Variants in KDM6A observed in about 807,000 individuals in gnomAD.
The protein encoded by KDM6A is lysine demethylase 6A.
A neutral mutation model predicts 117.6 loss-of-function variants in KDM6A; 11 were observed. The observed-to-expected ratio is 0.09, with a 90% CI of 0.06 to 0.15. The LOEUF is 0.15. Ranked by LOEUF, KDM6A falls within the 10% of genes least tolerant of loss-of-function variation. The pLI is 1.00. For synonymous variants in KDM6A, 384 were observed against 396.1 expected, an observed-to-expected ratio of 0.97 and a Z score of 0.36; for missense variants, 799 against 1,077.3, an observed-to-expected ratio of 0.74 and a Z score of 3.62.
intron 5 of KDM6A, among the ~76,000 whole-genome samples, chrX:45,012,169 C>A (rs774295242): frequency 9.7e-6 from 1 of 103,522 alleles, no homozygotes; most frequent in East Asian, 3.0e-4. Flanking sequence ...AGATACAGTA[C>A]ATTTTATAAA....
intron 2 of KDM6A, among the ~76,000 whole-genome samples, chrX:44,933,253 T>G (rs905381904): frequency 7.0e-5 from 7 of 99,982 alleles, no homozygotes; most frequent in African/African-American, 2.1e-4. Flanking sequence ...CCTCACAGTT[T>G]ATGTTGATTT....
intron 2 of KDM6A, among the ~76,000 whole-genome samples, chrX:44,920,255 C>G (rs372558693): frequency 1.8e-5 from 2 of 110,822 alleles, no homozygotes; most frequent in Admixed American, 1.9e-4. Context: ...TATTTTCAAA[C>G]TCATTTATTA....
intron 17 of KDM6A, among the ~76,000 whole-genome samples, chrX:45,067,944 G>A (rs113688628): frequency 8.0e-4 from 89 of 111,047 alleles, no homozygotes; most frequent in African/African-American, 2.9e-3. Flanking sequence ...GAGCCACTGC[G>A]CCTGGCCAAT....
At chrX:45,040,529 G>A (rs1217673712) in intron 8 of KDM6A, among the ~76,000 whole-genome samples, 1 of 70,258 alleles carries the variant, frequency 1.4e-5, no homozygotes, top group African/African-American at 5.5e-5. Context: ...GGACGGGGCG[G>A]CTGGCCGGGC....
Position 45,111,480 on chromosome X carries a change from G to T in KDM6A, c.*69G>T, listed in dbSNP as rs747617025. On this transcript the variant is annotated 3_prime_UTR_variant, in exon 30 of 30. Transcript: ENST00000611820. ...GAAATAACCCAGTTCTGCACCACTG[G>T]TTTTTGTAGCTATCTCGTAAGGCTG... 99 of 932,502 alleles carry T rather than the reference G, an allele frequency of 1.1e-4. No individual in the cohort carries two copies. Among genetic ancestry groups the T allele is most frequent in the Non-Finnish European group, 1.5e-4 (95 of 644,850 alleles). 76.8% of individuals were successfully genotyped at this position (932,502 alleles called of 1,213,427 possible).
intron 27 of KDM6A, among the ~76,000 whole-genome samples, chrX:45,106,179 C>T (rs1170407436): frequency 9.0e-6 from 1 of 111,251 alleles, no homozygotes; most frequent in Non-Finnish European, 1.9e-5. Context: ...GAATATTGCA[C>T]TTAAGGAATT....
chrX:45,015,017 A>G (rs2041902817), intron 5 of KDM6A, among the ~76,000 whole-genome samples: 2 of 112,464 alleles, frequency 1.8e-5, no homozygotes, highest in Non-Finnish European at 3.8e-5. Flanking sequence ...AATGAGGTAG[A>G]AATGAATTCA....
At chrX:45,086,566 G>A (rs1486326269) in intron 25 of KDM6A, among the ~76,000 whole-genome samples, 2 of 111,838 alleles carry the variant, frequency 1.8e-5, no homozygotes, top group African/African-American at 3.2e-5. Flanking sequence ...TACAGTGCTG[G>A]ATTACAGGCA....
chrX:44,912,237 G>A (rs2035249177), intron 2 of KDM6A, among the ~76,000 whole-genome samples: 1 of 110,194 alleles, frequency 9.1e-6, no homozygotes, highest in African/African-American at 3.3e-5. Context: ...TACAGGCCAT[G>A]CCACCATGCC....
chrX:44,874,056 G>A, intron 2 of KDM6A, 69 bp downstream of exon 2: 1 of 1,039,330 alleles, frequency 9.6e-7, no homozygotes, highest in Non-Finnish European at 1.3e-6. Context: ...CCCGGGCCCC[G>A]CGGCCGGGTC....
At position 45,051,690 on chromosome X, in the gene KDM6A, C is replaced by T; in HGVS notation, c.655-19C>T. On this transcript the variant is annotated intron_variant, in intron 8 of 29. Transcript: ENST00000611820. Reference sequence around the variant, plus strand: ...AGATTATGTTAATTTTTCTCCAAATCTCTTTTTCTGTTCTTTAGAGGAAAT... The same window carrying T: ...AGATTATGTTAATTTTTCTCCAAATTTCTTTTTCTGTTCTTTAGAGGAAAT... 4.1e-6 allele frequency: 4 copies of T among 986,675 alleles called. No individual in the cohort carries two copies. Among genetic ancestry groups the T allele is most frequent in the South Asian group, 2.0e-5 (1 of 50,134 alleles). 81.3% of individuals were successfully genotyped at this position (986,675 alleles called of 1,213,427 possible).
At chrX:45,059,715 A>G (rs926234870) in intron 12 of KDM6A, among the ~76,000 whole-genome samples, 4 of 111,868 alleles carry the variant, frequency 3.6e-5, no homozygotes, top group African/African-American at 6.5e-5. Flanking sequence ...ATTTTTTTCT[A>G]TGTACTGTCT....
At chrX:45,063,982 T>G (rs2044418129) in intron 17 of KDM6A, among the ~76,000 whole-genome samples, 165 bp downstream of exon 17, 1 of 111,985 alleles carries the variant, frequency 8.9e-6, no homozygotes. Flanking sequence ...CATACATGAG[T>G]ATATCTTTGT....
rs1465287815 is a variant in KDM6A at position 44,895,106 on chromosome X, A to G, written c.225+21119A>G. Among the ~76,000 whole-genome samples, 3 of 92,963 alleles carry G rather than the reference A, an allele frequency of 3.2e-5. No homozygotes were observed. The South Asian group carries it at 1.4e-3, about 45-fold the overall frequency. 80.7% of individuals were successfully genotyped at this position (92,963 alleles called of 115,157 possible). A position where few individuals can be genotyped will look rare whatever the true frequency, so the allele number is the denominator to read the frequency against. ...TATTTATTTATTTATTTATTTATTT[A>G]TTTATTTATTTATTTTAGAGACAGA... is the stretch of plus-strand genomic sequence containing the variant. On this transcript the variant is annotated intron_variant, in intron 2 of 29. Transcript: ENST00000611820.
Position 45,111,847 on chromosome X carries a change from C to CT in KDM6A, c.*444dup, listed in dbSNP as rs763585850. The CT allele has an allele frequency of 8.7e-5, 15 of 172,466 alleles. No individual in the cohort carries two copies. Among genetic ancestry groups the CT allele is most frequent in the South Asian group, 6.4e-4 (2 of 3,133 alleles). The allele number at this position is 172,466 out of a possible 1,213,427, so 14.2% of individuals were successfully genotyped here. On this transcript the variant is annotated 3_prime_UTR_variant, in exon 30 of 30. Transcript: ENST00000611820. The stretch of plus-strand genomic sequence containing the variant: ...CAATTTTAAGTCTTTCTTTGGTCAA[C>CT]TTTTTTTTAATGTGAAAAGTTAGGT...
chrX:44,912,334 C>G (rs2035258837), intron 2 of KDM6A, among the ~76,000 whole-genome samples: 1 of 110,814 alleles, frequency 9.0e-6, no homozygotes, highest in African/African-American at 3.3e-5. Flanking sequence ...GGTGATCTGC[C>G]CACCTCGGCC....
At chrX:44,881,611 T>G (rs1429864284) in intron 2 of KDM6A, among the ~76,000 whole-genome samples, 1 of 111,411 alleles carries the variant, frequency 9.0e-6, no homozygotes, top group Non-Finnish European at 1.9e-5. Flanking sequence ...TTCTGTATAT[T>G]ATTAAAACTG....
At chrX:44,952,536 G>A (rs1256715324) in intron 2 of KDM6A, among the ~76,000 whole-genome samples, 2 of 111,116 alleles carry the variant, frequency 1.8e-5, no homozygotes, top group African/African-American at 3.3e-5. Flanking sequence ...GCCTCCCACC[G>A]TGCTGTGATT....
rs1022614064 is a variant in KDM6A, at chrX:45,112,690, T to C, written c.*1279T>C. ...GGGCTTGACAAATCCTGTACAATAC[T>C]TAGTACCATTTTATATGGAAAAGGG... On this transcript the variant is annotated 3_prime_UTR_variant, in exon 30 of 30. Coordinates refer to ENST00000611820, the MANE Select transcript of KDM6A (RefSeq NM_001291415.2). 8.1e-6 allele frequency: 1 copy of C among 123,101 alleles called. No individual in the cohort carries two copies. 10.1% of individuals were successfully genotyped at this position (123,101 alleles called of 1,213,427 possible). A position where few individuals can be genotyped will look rare whatever the true frequency, so the allele number is the denominator to read the frequency against.
Sources: allele counts gnomAD v4.1 joint callset (sites outside exome capture counted in the v4.1 genomes callset), GRCh38; gene constraint gnomAD v4.1.1; transcripts MANE v1.5; gene names NCBI Gene and HGNC (gene_info 2026-07-23, HGNC 2026-07-21).